GPHN: variants seen among roughly 807,000 people sequenced by gnomAD.
GPHN encodes the protein gephyrin.
Under a neutral mutation model 95.5 loss-of-function variants are expected in GPHN, and 17 were observed. The ratio of observed to expected loss-of-function variants is 0.18; its 90% CI spans 0.12 to 0.27. GPHN has a LOEUF of 0.27. Among genes scored for constraint, GPHN ranks in the 10% least tolerant of loss-of-function variants. GPHN has a pLI of 1.00. For missense variants in GPHN, 660 were observed against 978.1 expected, an observed-to-expected ratio of 0.67 and a Z score of 4.34; for synonymous variants, 320 against 322.5, an observed-to-expected ratio of 0.99 and a Z score of 0.08.
At chr14:67,025,064 T>C (rs1466057688) in intron 10 of GPHN, among the ~76,000 whole-genome samples, 2 of 152,130 alleles carry the variant, frequency 1.3e-5, no homozygotes, top group African/African-American at 2.4e-5. Context: ...TTTCCAATTG[T>C]TACAGTGAGA....
chr14:66,773,398 G>C (rs2059256450), intron 2 of GPHN, among the ~76,000 whole-genome samples: 1 of 146,398 alleles, frequency 6.8e-6, no homozygotes, highest in Non-Finnish European at 1.5e-5. Flanking sequence ...CTATTGCTCA[G>C]GCTGGGTTTC....
intron 1 of GPHN, among the ~76,000 whole-genome samples, chr14:66,611,938 T>C (rs1457278769): frequency 1.3e-5 from 2 of 152,158 alleles, no homozygotes; most frequent in African/African-American, 4.8e-5. Flanking sequence ...TAATTCCCCA[T>C]TGACTAATGT....
intron 11 of GPHN, among the ~76,000 whole-genome samples, chr14:67,080,347 T>C (rs1039415393): frequency 6.6e-6 from 1 of 152,094 alleles, no homozygotes; most frequent in Admixed American, 6.6e-5. Flanking sequence ...TTATTTTCTC[T>C]CATTTCATAG....
At chr14:67,704,114 T>A in the GPHN span, among the ~76,000 whole-genome samples, 1 of 152,242 alleles carries the variant, frequency 6.6e-6, no homozygotes, top group South Asian at 2.1e-4. Context: ...CCCCTTGTTT[T>A]AAATTTAAAT....
At chr14:66,814,815 G>A (rs1190994175) in intron 3 of GPHN, among the ~76,000 whole-genome samples, 1 of 152,164 alleles carries the variant, frequency 6.6e-6, no homozygotes, top group Non-Finnish European at 1.5e-5. Flanking sequence ...GGCTCAGATG[G>A]CTGAAATGAC....
intron 2 of GPHN, among the ~76,000 whole-genome samples, chr14:66,740,367 T>C (rs1278314767): frequency 6.6e-6 from 1 of 152,132 alleles, no homozygotes; most frequent in East Asian, 1.9e-4. Flanking sequence ...ATTTATACAT[T>C]GATCTCAAAT....
At chr14:67,708,868 C>T in the GPHN span, among the ~76,000 whole-genome samples, 17 of 150,458 alleles carry the variant, frequency 1.1e-4, no homozygotes, top group African/African-American at 2.0e-4. Flanking sequence ...TCTTGGCTCA[C>T]GGCAACCTCT....
At chr14:67,490,423 A>G in the GPHN span, among the ~76,000 whole-genome samples, 5 of 152,324 alleles carry the variant, frequency 3.3e-5, no homozygotes, top group South Asian at 4.1e-4. Flanking sequence ...GCATCAGGGG[A>G]GATACTGCAG....
intron 12 of GPHN, among the ~76,000 whole-genome samples, chr14:67,098,174 G>GA (rs945965039): frequency 1.4e-4 from 20 of 147,102 alleles, no homozygotes; most frequent in South Asian, 8.7e-4. Context: ...ACCTAACCTG[G>GA]AAAAAAAAAA....
intron 1 of GPHN, among the ~76,000 whole-genome samples, chr14:66,508,822 C>T (rs534846845): frequency 6.6e-6 from 1 of 152,264 alleles, no homozygotes; most frequent in Non-Finnish European, 1.5e-5. Context: ...ATGTTAGGCC[C>T]CAGCGCCTTC....
chr14:66,877,878 CTACTT>C (rs1008115349), intron 4 of GPHN, among the ~76,000 whole-genome samples: 104 of 151,970 alleles, frequency 6.8e-4, no homozygotes, highest in African/African-American at 2.4e-3. Context: ...CAGAAAAAAA[CTACTT>C]TAATATGGAA....
chr14:67,045,124 T>G (rs1474644818), intron 10 of GPHN, among the ~76,000 whole-genome samples: 3 of 152,200 alleles, frequency 2.0e-5, no homozygotes, highest in Non-Finnish European at 2.9e-5. Context: ...TCTCAATAAA[T>G]TGTACCACTG....
intron 3 of GPHN, among the ~76,000 whole-genome samples, chr14:66,799,154 T>G (rs930265106): frequency 6.6e-6 from 1 of 152,030 alleles, no homozygotes; most frequent in Non-Finnish European, 1.5e-5. Flanking sequence ...ATTTCTAGTT[T>G]TATTTCATTG....
At chr14:67,374,847 T>G in the GPHN span, among the ~76,000 whole-genome samples, 303 of 152,308 alleles carry the variant, frequency 2.0e-3, no homozygotes, top group Non-Finnish European at 3.6e-3. Flanking sequence ...CAAGTGATCC[T>G]TGAGCCTCAG....
At chr14:67,371,710 C>T in the GPHN span, among the ~76,000 whole-genome samples, 35 of 152,132 alleles carry the variant, frequency 2.3e-4, no homozygotes, top group African/African-American at 8.4e-4. Context: ...GTATTATAAT[C>T]TTAACAGCAC....
intron 2 of GPHN, among the ~76,000 whole-genome samples, chr14:66,706,344 C>A (rs117355284): frequency 0.059 from 8,929 of 152,082 alleles, 357 homozygotes; most frequent in Middle Eastern, 0.099. Flanking sequence ...AGGAAGATCC[C>A]ATATAGCCAA....
chr14:67,220,466 A>T, the GPHN span, among the ~76,000 whole-genome samples: 1 of 151,932 alleles, frequency 6.6e-6, no homozygotes, highest in Non-Finnish European at 1.5e-5. Context: ...AAGGTAAATG[A>T]TGACCTTGTT....
intron 1 of GPHN, among the ~76,000 whole-genome samples, chr14:66,589,699 C>G (rs2061560884): frequency 6.6e-6 from 1 of 152,102 alleles, no homozygotes; most frequent in Non-Finnish European, 1.5e-5. Context: ...TAGAGACCTA[C>G]AAAGAGACTT....
chr14:66,769,637 C>A (rs554734236), intron 2 of GPHN, among the ~76,000 whole-genome samples: 1 of 152,092 alleles, frequency 6.6e-6, no homozygotes, highest in Non-Finnish European at 1.5e-5. Context: ...CCATCCAAGT[C>A]CCTGCAAAGG....
Sources: gnomAD v4.1 joint callset for allele counts (sites outside exome capture counted in the v4.1 genomes callset) on GRCh38, gnomAD v4.1.1 for gene constraint, MANE v1.5 for transcripts, NCBI Gene and HGNC (gene_info 2026-07-23, HGNC 2026-07-21) for gene names.